Variants in APBB2 observed in about 807,000 individuals in gnomAD.
APBB2 encodes the protein Fe65-like 1.
APBB2 carries 38 observed loss-of-function variants against 82.5 expected under a neutral mutation model. The observed-to-expected ratio is 0.46, with a 90% confidence interval of 0.36 to 0.60. APBB2 has a LOEUF of 0.60. APBB2 is among the 20% of genes least tolerant of loss of function. APBB2 has a pLI of 0.00. For missense variants in APBB2, 772 were observed against 972.3 expected (o/e 0.79, Z 2.74); for synonymous variants, 341 against 368.2 (o/e 0.93, Z 0.85).
chr4:41,135,169 C>CAAAAAAAAAA (rs5857778), intron 2 of APBB2, among the ~76,000 whole-genome samples: 1 of 99,582 alleles, frequency 1.0e-5, no homozygotes, highest in Non-Finnish European at 2.0e-5. Flanking sequence ...CTTGAGCCCT[C>CAAAAAAAAAA]AAAAAAAAAA....
chr4:41,042,779 T>C (rs1579495154), intron 4 of APBB2, among the ~76,000 whole-genome samples: 1 of 152,138 alleles, frequency 6.6e-6, no homozygotes, highest in Non-Finnish European at 1.5e-5. Flanking sequence ...TGTAGCCACA[T>C]GAGTGAGCTC....
At chr4:40,948,811 C>T (rs11730453) in intron 6 of APBB2, among the ~76,000 whole-genome samples, 1,777 of 132,836 alleles carry the variant, frequency 0.013, 16 homozygotes, top group Middle Eastern at 0.023. Flanking sequence ...ATCTCCTGAA[C>T]CCAAGAAGTG....
intron 5 of APBB2, among the ~76,000 whole-genome samples, chr4:41,028,625 T>C (rs536980236): frequency 1.3e-5 from 2 of 152,356 alleles, no homozygotes; most frequent in South Asian, 4.1e-4. Context: ...GCTGGACTTC[T>C]CAGGTCGATA....
At chr4:41,210,715 A>G (rs1032851087) in intron 1 of APBB2, among the ~76,000 whole-genome samples, 6 of 152,256 alleles carry the variant, frequency 3.9e-5, no homozygotes, top group African/African-American at 1.4e-4. Flanking sequence ...GAAGATATGC[A>G]GTTCCAATCA....
In APBB2 at chr4:40,826,075, A is replaced by T; in HGVS notation, c.1733-105T>A. On this transcript the variant is annotated intron_variant, in intron 14 of 17. Transcript: ENST00000508593. The surrounding 1 kb of genome is among the most constrained non-coding windows in gnomAD (Gnocchi z 4.5). ...GAATGCTCAGGACACGCCCTGTGCC[A>T]TAACGCCCTATGTTTCTGGATGTAA... 1 of 811,660 alleles carries T rather than the reference A, an allele frequency of 1.2e-6. No homozygotes were observed. Among genetic ancestry groups the T allele is most frequent in the Non-Finnish European group, 2.2e-6 (1 of 457,616 alleles). The allele number at this position is 811,660 out of a possible 1,614,324, so 50.3% of individuals were successfully genotyped here. A position where few individuals can be genotyped will look rare whatever the true frequency, so the allele number is the denominator to read the frequency against.
chr4:41,147,373 T>C (rs982373145), intron 1 of APBB2, among the ~76,000 whole-genome samples: 2 of 152,092 alleles, frequency 1.3e-5, no homozygotes, highest in Admixed American at 6.6e-5. Flanking sequence ...TCCTTTTTTA[T>C]TCAAAACCTT....
intron 10 of APBB2, among the ~76,000 whole-genome samples, chr4:40,895,494 G>A (rs977176757): frequency 3.3e-5 from 5 of 152,260 alleles, no homozygotes; most frequent in African/African-American, 1.2e-4. Context: ...GCCAGGTCTT[G>A]CCTGGCCTGC....
intron 6 of APBB2, among the ~76,000 whole-genome samples, chr4:41,001,471 T>C (rs777505623): frequency 1.4e-4 from 22 of 152,222 alleles, no homozygotes; most frequent in Admixed American, 3.3e-4. Flanking sequence ...GAAGAATTCT[T>C]CAAGTAACAC....
At chr4:41,097,587 T>C (rs1055665644) in intron 3 of APBB2, among the ~76,000 whole-genome samples, 1 of 152,220 alleles carries the variant, frequency 6.6e-6, no homozygotes, top group African/African-American at 2.4e-5. Context: ...ACTTGCTGCA[T>C]ACTCATTTAG....
intron 7 of APBB2, among the ~76,000 whole-genome samples, chr4:40,942,458 T>C (rs986306749): frequency 2.0e-5 from 3 of 151,852 alleles, no homozygotes; most frequent in African/African-American, 4.9e-5. Flanking sequence ...CATCCCACCC[T>C]AACCCCAGCT....
rs530351121 is a variant in APBB2 at position 40,992,496 on chromosome 4, G to A, written c.835+21087C>T. Among the ~76,000 whole-genome samples, 6 of 152,018 alleles carry A rather than the reference G, an allele frequency of 3.9e-5. No individual in the cohort carries two copies. In the South Asian group the frequency reaches 6.2e-4, roughly 16 times the overall value. On this transcript the variant is annotated intron_variant, in intron 6 of 17. Coordinates refer to ENST00000508593, the MANE Select transcript of APBB2 (RefSeq NM_004307.2). The stretch of plus-strand genomic sequence containing the variant: ...CCAGATTGACACAGCTTTTTAGTTC[G>A]CTTCAGCAGCTATAGATTTACCTTC...
At chr4:40,841,679 T>A (rs1187067075) in intron 12 of APBB2, among the ~76,000 whole-genome samples, 3 of 152,028 alleles carry the variant, frequency 2.0e-5, no homozygotes, top group Admixed American at 2.0e-4. Flanking sequence ...ATTATTTATT[T>A]ATTTATTTAT....
intron 12 of APBB2, among the ~76,000 whole-genome samples, chr4:40,839,238 T>C (rs1755023305): frequency 6.6e-6 from 1 of 151,936 alleles, no homozygotes; most frequent in African/African-American, 2.4e-5. Flanking sequence ...CCACCACACC[T>C]GGCTCAAAAT....
At chr4:41,193,533 C>T in intron 1 of APBB2, 1 of 984,532 alleles carries the variant, frequency 1.0e-6, no homozygotes. Flanking sequence ...ACAGGCCCTC[C>T]TGAGCTCTCC....
chr4:41,059,623 T>C (rs1273041008), intron 4 of APBB2, among the ~76,000 whole-genome samples: 1 of 152,284 alleles, frequency 6.6e-6, no homozygotes, highest in Non-Finnish European at 1.5e-5. Flanking sequence ...TAAGGGCATG[T>C]TCCTGCTGCA....
chr4:41,049,334 G>A (rs1724881186), intron 4 of APBB2, among the ~76,000 whole-genome samples: 1 of 93,868 alleles, frequency 1.1e-5, no homozygotes. Flanking sequence ...GAGAAGTGAG[G>A]AGCGTCTCCG....
At chr4:41,158,414 C>A (rs572044171) in intron 1 of APBB2, among the ~76,000 whole-genome samples, 5 of 152,310 alleles carry the variant, frequency 3.3e-5, no homozygotes, top group African/African-American at 1.2e-4. Context: ...ACTAAGAAGT[C>A]ATTCTGGTTT....
At chr4:41,139,081 A>G (rs1758385069) in intron 2 of APBB2, among the ~76,000 whole-genome samples, 1 of 152,124 alleles carries the variant, frequency 6.6e-6, no homozygotes, top group South Asian at 2.1e-4. Context: ...ATTAAAGAAA[A>G]CTGAAAGAAA....
chr4:41,188,434 G>T (rs1405008556), intron 1 of APBB2, among the ~76,000 whole-genome samples: 1 of 152,112 alleles, frequency 6.6e-6, no homozygotes, highest in Non-Finnish European at 1.5e-5. Context: ...GTCTTTAAGA[G>T]GTGATTAGAT....
Sources: gnomAD v4.1 joint callset for allele counts (sites outside exome capture counted in the v4.1 genomes callset) on GRCh38, gnomAD v4.1.1 for gene constraint, Gnocchi (gnomAD v3.1) non-coding constraint, MANE v1.5 for transcripts, NCBI Gene and HGNC (gene_info 2026-07-23, HGNC 2026-07-21) for gene names.